COBL: variants seen among roughly 807,000 people sequenced by gnomAD.
COBL encodes protein cordon-bleu.
COBL carries 51 observed loss-of-function variants against 98.8 expected under a neutral mutation model. The ratio of observed to expected loss-of-function variants is 0.52; its 90% CI spans 0.41 to 0.65. The LOEUF (loss-of-function observed/expected upper bound fraction) is 0.65. Among genes scored for constraint, COBL ranks in the 30% least tolerant of loss-of-function variants. The pLI, the probability that COBL is intolerant of heterozygous loss-of-function variation, is 0.00. For synonymous variants in COBL, 634 were observed against 651.7 expected (o/e 0.97, Z 0.41); for missense variants, 1,617 against 1,617.5 (o/e 1.00, Z 0.01).
intron 5 of COBL, among the ~76,000 whole-genome samples, chr7:51,183,007 C>A (rs549032154): frequency 6.6e-6 from 1 of 152,208 alleles, no homozygotes; most frequent in African/African-American, 2.4e-5. Context: ...TGGCTCTGCA[C>A]GCAGACACAT....
At chr7:51,156,613 G>T in intron 5 of COBL, 1 of 983,186 alleles carries the variant, frequency 1.0e-6, no homozygotes, top group Non-Finnish European at 1.2e-6. Context: ...CACATGGAGG[G>T]TCAAATATTG....
chr7:51,082,572 T>G (rs1793765550), intron 7 of COBL, among the ~76,000 whole-genome samples: 1 of 152,188 alleles, frequency 6.6e-6, no homozygotes, highest in Non-Finnish European at 1.5e-5. Flanking sequence ...TACACCTCAG[T>G]TTCCTTTTCC....
At chr7:51,078,220 T>C (rs1310957825) in intron 7 of COBL, among the ~76,000 whole-genome samples, 1 of 152,154 alleles carries the variant, frequency 6.6e-6, no homozygotes, top group Admixed American at 6.5e-5. Flanking sequence ...TTGTAGTCAA[T>C]GAAATATGAG....
At chr7:51,152,495 C>G (rs1314721415) in intron 5 of COBL, among the ~76,000 whole-genome samples, 1 of 152,176 alleles carries the variant, frequency 6.6e-6, no homozygotes, top group Non-Finnish European at 1.5e-5. Context: ...GAAACCATCT[C>G]TGTCCAGCCC....
chr7:51,244,404 C>G (rs1288323318), intron 1 of COBL, among the ~76,000 whole-genome samples: 1 of 152,220 alleles, frequency 6.6e-6, no homozygotes, highest in Non-Finnish European at 1.5e-5. Flanking sequence ...TTGACTTGTT[C>G]AATCACACGG....
intron 2 of COBL, among the ~76,000 whole-genome samples, chr7:51,206,491 CAAAA>C (rs1216887855): frequency 9.9e-6 from 1 of 101,268 alleles, no homozygotes. Context: ...GACTCTGTCT[CAAAA>C]AAAAAAAAAA....
At chr7:51,252,408 C>T (rs1405602878) in intron 1 of COBL, among the ~76,000 whole-genome samples, 1 of 152,176 alleles carries the variant, frequency 6.6e-6, no homozygotes, top group Non-Finnish European at 1.5e-5. Context: ...TAGACAACCA[C>T]TGATCCAGTA....
intron 1 of COBL, among the ~76,000 whole-genome samples, chr7:51,222,185 G>C (rs150346346): frequency 9.1e-6 from 1 of 110,134 alleles, no homozygotes; most frequent in South Asian, 2.7e-4. Context: ...GTGAAACTCC[G>C]TCTCAAAAAT....
At chr7:51,082,973 G>C (rs1793817537) in intron 7 of COBL, 1 of 1,309,602 alleles carries the variant, frequency 7.6e-7, no homozygotes, top group Non-Finnish European at 1.1e-6. Context: ...GACAAGAATG[G>C]AAAATCTGGA....
At chr7:51,126,112 G>A (rs762226801) in intron 6 of COBL, among the ~76,000 whole-genome samples, 32 of 152,300 alleles carry the variant, frequency 2.1e-4, no homozygotes, top group Non-Finnish European at 4.4e-4. Flanking sequence ...CAGATTACTT[G>A]AGGTCAGGAG....
chr7:51,298,051 C>T (rs1026034019), intron 1 of COBL, among the ~76,000 whole-genome samples: 2 of 152,184 alleles, frequency 1.3e-5, no homozygotes, highest in Non-Finnish European at 2.9e-5. Flanking sequence ...CAGTGTATCA[C>T]TTCTAAGGCT....
intron 3 of COBL, among the ~76,000 whole-genome samples, chr7:51,192,721 T>C (rs1305006075): frequency 6.6e-6 from 1 of 152,190 alleles, no homozygotes; most frequent in Non-Finnish European, 1.5e-5. Context: ...CCAAATGCAA[T>C]GAATAAATAT....
At chr7:51,250,675 T>C (rs1404949444) in intron 1 of COBL, among the ~76,000 whole-genome samples, 1 of 152,262 alleles carries the variant, frequency 6.6e-6, no homozygotes, top group African/African-American at 2.4e-5. Flanking sequence ...TCCTTGAACC[T>C]TAAACATTGG....
At chr7:51,274,438 T>C (rs904127761) in intron 1 of COBL, among the ~76,000 whole-genome samples, 3 of 152,238 alleles carry the variant, frequency 2.0e-5, no homozygotes, top group African/African-American at 7.2e-5. Context: ...GGCTCCTGAC[T>C]GCATTCCACT....
rs530012052 is a variant in COBL at position 51,017,474 on chromosome 7, T to C, written c.*77A>G. On this transcript the variant is annotated 3_prime_UTR_variant, in exon 13 of 13. Coordinates refer to ENST00000265136, the MANE Select transcript of COBL (RefSeq NM_015198.5). ...AAGTAACACCAAAACTTGATGTTCC[T>C]GGCTATGCAGACTCCTTGAGTGACG... 1.7e-5 allele frequency: 25 copies of C among 1,463,674 alleles called. No homozygotes were observed. The Middle Eastern group carries it at 5.2e-4, about 30-fold the overall frequency. The allele number at this position is 1,463,674 out of a possible 1,614,324, so 90.7% of individuals were successfully genotyped here. A position where few individuals can be genotyped will look rare whatever the true frequency, so the allele number is the denominator to read the frequency against.
chr7:51,131,248 T>A (rs1358369061), intron 6 of COBL, among the ~76,000 whole-genome samples: 1 of 152,204 alleles, frequency 6.6e-6, no homozygotes, highest in Non-Finnish European at 1.5e-5. Context: ...TTTAAAATAT[T>A]TTTGAATTAC....
chr7:51,065,296 G>C, intron 7 of COBL: 1 of 703,444 alleles, frequency 1.4e-6, no homozygotes, highest in Non-Finnish European at 2.6e-6. Flanking sequence ...GGGAAATGGG[G>C]AGGAGGAAGA....
At chr7:51,294,661 A>C (rs1801244377) in intron 1 of COBL, among the ~76,000 whole-genome samples, 1 of 151,562 alleles carries the variant, frequency 6.6e-6, no homozygotes, top group Non-Finnish European at 1.5e-5. Flanking sequence ...AAAAAAAAAA[A>C]ACCATTTTGG....
chr7:51,191,118 C>T (rs1165611283), intron 3 of COBL, 40 bp from the exon 4 acceptor site: 1 of 1,565,182 alleles, frequency 6.4e-7, no homozygotes, highest in Admixed American at 1.8e-5. Flanking sequence ...AGTAAGATAT[C>T]CTCCCACAAG....
Sources: gnomAD v4.1 joint callset for allele counts (sites outside exome capture counted in the v4.1 genomes callset) on GRCh38, gnomAD v4.1.1 for gene constraint, MANE v1.5 for transcripts, NCBI Gene and HGNC (gene_info 2026-07-23, HGNC 2026-07-21) for gene names.